The following CHCHD3 variants were observed in gnomAD, a reference collection of about 807,000 sequenced individuals.
The protein encoded by CHCHD3 is MICOS complex subunit MIC19.
A neutral mutation model predicts 38.2 loss-of-function variants in CHCHD3; 20 were observed. The ratio of observed to expected loss-of-function variants is 0.52; its 90% CI spans 0.37 to 0.76. The LOEUF (loss-of-function observed/expected upper bound fraction) is 0.76, where lower values mean the gene tolerates loss of function less well. Among genes scored for constraint, CHCHD3 ranks in the 30% least tolerant of loss-of-function variants. The pLI, the probability that CHCHD3 is intolerant of heterozygous loss-of-function variation, is 0.00. For synonymous variants in CHCHD3, 82 were observed against 100.0 expected (o/e 0.82, Z 1.07); for missense variants, 245 against 279.2 (o/e 0.88, Z 0.87).
At chr7:132,998,784 T>C (rs1186797048) in intron 3 of CHCHD3, among the ~76,000 whole-genome samples, 1 of 152,160 alleles carries the variant, frequency 6.6e-6, no homozygotes, top group Non-Finnish European at 1.5e-5. Context: ...TAATCTAAAA[T>C]ATCACACAGC....
intron 6 of CHCHD3, among the ~76,000 whole-genome samples, chr7:132,809,773 T>C (rs945978544): frequency 7.2e-5 from 11 of 152,320 alleles, no homozygotes; most frequent in South Asian, 2.1e-4. Flanking sequence ...ATTCCCAAGC[T>C]ATGTTATACA....
At position 132,929,633 on chromosome 7, in the gene CHCHD3, T is replaced by C. The variant is rs577225249; in HGVS notation, c.370-43888A>G. ...CCTGAAGGGACCTCAAACACAGCAATATGAAACATAACTTGTCCTTAACCC... is the reference window on the plus strand; with the variant it reads ...CCTGAAGGGACCTCAAACACAGCAACATGAAACATAACTTGTCCTTAACCC... On this transcript the variant is annotated intron_variant, in intron 4 of 7. Coordinates refer to ENST00000262570, the MANE Select transcript of CHCHD3 (RefSeq NM_017812.4). 3.9e-4 allele frequency among the ~76,000 whole-genome samples: 60 copies of C among 152,238 alleles called. 3 individuals carry two copies. The South Asian group carries it at 0.012, about 31-fold the overall frequency.
At chr7:132,981,940 G>GA (rs1296754958) in intron 3 of CHCHD3, among the ~76,000 whole-genome samples, 1 of 152,116 alleles carries the variant, frequency 6.6e-6, no homozygotes, top group Non-Finnish European at 1.5e-5. Flanking sequence ...TTCAAACACT[G>GA]AAAGAGAAAA....
intron 4 of CHCHD3, among the ~76,000 whole-genome samples, chr7:132,890,328 C>T (rs1809329898): frequency 6.6e-6 from 1 of 152,118 alleles, no homozygotes; most frequent in African/African-American, 2.4e-5. Context: ...AAAGTTTATA[C>T]AAGAGAAAAC....
intron 6 of CHCHD3, among the ~76,000 whole-genome samples, chr7:132,807,602 CATAAAT>C (rs1162357509): frequency 4.2e-5 from 3 of 71,280 alleles, no homozygotes; most frequent in Admixed American, 3.9e-4. Context: ...CTAACATACA[CATAAAT>C]ATATATATAT....
In CHCHD3 at chr7:133,024,581, C is replaced by T; in HGVS notation, c.216G>A (p.Leu72=). ...CTTCGGATTCTTTCTTGGCTTGCTC[C>T]AATGCCAGCTCCTCAGCTACTCTTC... ...LKRRVAEELA[L]EQAKKESEDQ... The change falls in exon 3 of 8, where the codon TTG becomes TTA. Residue 72 remains leucine (L), a synonymous_variant. Transcript: ENST00000262570. 6.2e-7 allele frequency: 1 copy of T among 1,613,858 alleles called. No individual in the cohort carries two copies. The highest frequency in any genetic ancestry group is 8.5e-7 in the Non-Finnish European group (1 of 1,179,774).
chr7:132,806,161 T>G (rs1262818879), intron 6 of CHCHD3, among the ~76,000 whole-genome samples: 1 of 152,112 alleles, frequency 6.6e-6, no homozygotes. Flanking sequence ...ATCACAAGGC[T>G]GGGGAGACCA....
intron 3 of CHCHD3, among the ~76,000 whole-genome samples, chr7:132,985,519 G>C (rs369571500): frequency 3.2e-4 from 15 of 46,300 alleles, no homozygotes; most frequent in East Asian, 9.2e-4. Context: ...GTCAGCCCCC[G>C]GCCCGGCCAG....
In CHCHD3 at chr7:132,985,741, G is replaced by GC. The variant is rs555060452; in HGVS notation, c.252-10456dup. Among the ~76,000 whole-genome samples the GC allele has an allele frequency of 6.1e-3, 550 of 89,842 alleles. 86 individuals are homozygous for GC. The highest frequency in any genetic ancestry group is 0.012 in the South Asian group (35 of 2,884). The allele number at this position is 89,842 out of a possible 152,430, so 58.9% of individuals were successfully genotyped here. On this transcript the variant is annotated intron_variant, in intron 3 of 7. Coordinates refer to ENST00000262570, the MANE Select transcript of CHCHD3 (RefSeq NM_017812.4). ...ATCCGGGAGGGAGGAGGGGAGGTCAGCCCCCCACCCGGCCAGCCACCCCGT... is the reference window on the plus strand; with the variant it reads ...ATCCGGGAGGGAGGAGGGGAGGTCAGCCCCCCCACCCGGCCAGCCACCCCGT...
chr7:132,840,836 T>A (rs1236036930), intron 5 of CHCHD3, among the ~76,000 whole-genome samples: 1 of 152,144 alleles, frequency 6.6e-6, no homozygotes, highest in African/African-American at 2.4e-5. Flanking sequence ...CCTCTCTGCT[T>A]TGCCATGCCA....
intron 2 of CHCHD3, among the ~76,000 whole-genome samples, chr7:133,041,974 G>T (rs954453474): frequency 3.9e-5 from 6 of 152,156 alleles, no homozygotes; most frequent in African/African-American, 1.4e-4. Flanking sequence ...CAGTCTGCCT[G>T]GGCATAAGTT....
intron 2 of CHCHD3, among the ~76,000 whole-genome samples, chr7:133,027,452 G>T (rs1813379159): frequency 6.8e-6 from 1 of 146,824 alleles, no homozygotes; most frequent in African/African-American, 2.5e-5. Flanking sequence ...GAGGGAGGGG[G>T]GGAGAGGAAG....
At chr7:133,048,496 T>C (rs940745617) in intron 2 of CHCHD3, among the ~76,000 whole-genome samples, 2 of 151,938 alleles carry the variant, frequency 1.3e-5, no homozygotes, top group African/African-American at 4.8e-5. Flanking sequence ...TCCGGCCTAA[T>C]AGAGAAGTGA....
chr7:133,057,508 G>A (rs779742026), intron 2 of CHCHD3, among the ~76,000 whole-genome samples: 9 of 151,986 alleles, frequency 5.9e-5, no homozygotes, highest in Non-Finnish European at 1.2e-4. Flanking sequence ...GCTGCAGTGA[G>A]CCATTACCAT....
chr7:132,934,227 G>GTGA (rs1199297575), intron 4 of CHCHD3, among the ~76,000 whole-genome samples: 1 of 152,180 alleles, frequency 6.6e-6, no homozygotes, highest in East Asian at 1.9e-4. Context: ...AGTCCCACTT[G>GTGA]TGATAAGTTT....
chr7:133,021,190 A>G (rs952742496), intron 3 of CHCHD3, among the ~76,000 whole-genome samples: 5 of 152,182 alleles, frequency 3.3e-5, no homozygotes, highest in Non-Finnish European at 7.3e-5. Flanking sequence ...ATGAATATAC[A>G]TATGTTTTCA....
At chr7:133,000,096 T>C (rs1437900926) in intron 3 of CHCHD3, among the ~76,000 whole-genome samples, 2 of 152,162 alleles carry the variant, frequency 1.3e-5, no homozygotes, top group Non-Finnish European at 2.9e-5. Context: ...ACAAAACTGC[T>C]TAAAAATTTA....
chr7:132,918,729 G>C (rs1469923918), intron 4 of CHCHD3, among the ~76,000 whole-genome samples: 1 of 152,182 alleles, frequency 6.6e-6, no homozygotes, highest in Non-Finnish European at 1.5e-5. Flanking sequence ...TAATTCAAGA[G>C]CAAGTTTTTA....
At chr7:132,821,982 T>A (rs940505176) in intron 6 of CHCHD3, among the ~76,000 whole-genome samples, 5 of 152,114 alleles carry the variant, frequency 3.3e-5, no homozygotes, top group Non-Finnish European at 7.4e-5. Flanking sequence ...CAGGATGGTC[T>A]CGATCTCCTG....
Sources: gnomAD v4.1 joint callset for allele counts (sites outside exome capture counted in the v4.1 genomes callset) on GRCh38, gnomAD v4.1.1 for gene constraint, MANE v1.5 for transcripts, NCBI Gene and HGNC (gene_info 2026-07-23, HGNC 2026-07-21) for gene names.